Variants in EIF4E3 observed in about 807,000 individuals in gnomAD.
The protein encoded by EIF4E3 is eukaryotic translation initiation factor 4E family member 3.
Under a neutral mutation model 31.7 loss-of-function variants are expected in EIF4E3, and 26 were observed. The observed-to-expected ratio is 0.82, with a 90% confidence interval of 0.60 to 1.14. The LOEUF (loss-of-function observed/expected upper bound fraction) is 1.14, where lower values mean the gene tolerates loss of function less well. EIF4E3 is among the 50% of genes most tolerant of loss of function. The probability of loss-of-function intolerance (pLI) is 0.00; values close to 1 mark genes in which losing one functional copy is unlikely to be tolerated. For synonymous variants in EIF4E3, 128 were observed against 107.7 expected (o/e 1.19, Z -1.17); for missense variants, 304 against 270.9 (o/e 1.12, Z -0.86).
At chr3:71,691,279 T>A (rs545355421) in intron 5 of EIF4E3, among the ~76,000 whole-genome samples, 4 of 152,332 alleles carry the variant, frequency 2.6e-5, no homozygotes, top group African/African-American at 9.6e-5. Flanking sequence ...GTTTTTCCAA[T>A]TGTCTTCTGG....
chr3:71,754,623 G>C (rs768578421), upstream of EIF4E3: 30 of 1,463,756 alleles, frequency 2.0e-5, no homozygotes, highest in Non-Finnish European at 2.6e-5. This position sits in a 1 kb window ranked among gnomAD's most constrained non-coding sequence, Gnocchi z 5.8. Context: ...GCTGCTGGCC[G>C]TGGTGGTGGG....
At chr3:71,704,913 T>C (rs1432077222) in intron 2 of EIF4E3, among the ~76,000 whole-genome samples, 1 of 152,248 alleles carries the variant, frequency 6.6e-6, no homozygotes, top group Non-Finnish European at 1.5e-5. Flanking sequence ...ACTTCAGTTA[T>C]ATTTCTTCAT....
upstream of EIF4E3, among the ~76,000 whole-genome samples, chr3:71,727,981 C>T (rs1340968552): frequency 6.6e-6 from 1 of 152,184 alleles, no homozygotes; most frequent in Non-Finnish European, 1.5e-5. Context: ...CAATTATATA[C>T]CTTTCTCTCT....
intron 3 of EIF4E3, among the ~76,000 whole-genome samples, chr3:71,697,991 T>C (rs2049162796): frequency 6.6e-6 from 1 of 152,236 alleles, no homozygotes; most frequent in Admixed American, 6.5e-5. Context: ...ACCTCCATAC[T>C]GTTCTCCATA....
chr3:71,743,948 C>A (rs1313777818), intron 1 of EIF4E3, among the ~76,000 whole-genome samples: 1 of 151,838 alleles, frequency 6.6e-6, no homozygotes, highest in African/African-American at 2.4e-5. Flanking sequence ...ATAATATTAA[C>A]ATGGAACATA....
At chr3:71,664,778 G>A in the EIF4E3 span, among the ~76,000 whole-genome samples, 1 of 152,168 alleles carries the variant, frequency 6.6e-6, no homozygotes, top group Non-Finnish European at 1.5e-5. Flanking sequence ...GGGAGGCTGA[G>A]GCATGAGAAC....
At chr3:71,738,978 G>GCATATATATATATATA (rs2049792210) in intron 1 of EIF4E3, among the ~76,000 whole-genome samples, 1 of 95,818 alleles carries the variant, frequency 1.0e-5, no homozygotes, top group Non-Finnish European at 2.0e-5. Flanking sequence ...AAATTGAACA[G>GCATATATATATATATA]TATATATATA....
the EIF4E3 span, among the ~76,000 whole-genome samples, chr3:71,666,860 A>G: frequency 3.9e-5 from 6 of 152,018 alleles, no homozygotes; most frequent in Middle Eastern, 3.2e-3. Flanking sequence ...AACAGCTTCA[A>G]CTCGGGAGGT....
chr3:71,749,881 A>T (rs530856976), intron 1 of EIF4E3, among the ~76,000 whole-genome samples: 1 of 152,354 alleles, frequency 6.6e-6, no homozygotes, highest in East Asian at 1.9e-4. Context: ...GAAACAGTAA[A>T]AGGAAAATAC....
chr3:71,674,557 A>G (rs1487956309), downstream of EIF4E3, among the ~76,000 whole-genome samples: 2 of 152,192 alleles, frequency 1.3e-5, no homozygotes, highest in African/African-American at 4.8e-5. Context: ...TTTTCCCAAT[A>G]TGGTACAATA....
At position 71,679,575 on chromosome 3, in the gene EIF4E3, AC is replaced by A. The variant is rs1228027541; in HGVS notation, c.*5106del. 6.6e-6 allele frequency: 1 copy of A among 152,236 alleles called. No individual in the cohort carries two copies. The highest frequency in any genetic ancestry group is 2.4e-5 in the African/African-American group (1 of 41,476). The allele number at this position is 152,236 out of a possible 1,614,324, so 9.4% of individuals were successfully genotyped here. On this transcript the variant is annotated 3_prime_UTR_variant, in exon 7 of 7. Transcript: ENST00000425534. The stretch of plus-strand genomic sequence containing the variant: ...GATATTCTAATAAGGTACACTCAAG[AC>A]ACACATATACAATGGAACTCTGAAT...
chr3:71,695,273 T>C (rs1342156525), intron 4 of EIF4E3, among the ~76,000 whole-genome samples: 3 of 152,150 alleles, frequency 2.0e-5, no homozygotes, highest in Non-Finnish European at 4.4e-5. Flanking sequence ...CTCCCACTGG[T>C]TGATGATGAA....
chr3:71,754,667 C>A, upstream of EIF4E3: 1 of 1,501,010 alleles, frequency 6.7e-7, no homozygotes, highest in Non-Finnish European at 8.8e-7. The surrounding 1 kb of genome is among the most constrained non-coding windows in gnomAD (Gnocchi z 5.8). Context: ...GCCTGCTCTT[C>A]TTCATCCACG....
chr3:71,710,460 A>G lies in EIF4E3; in HGVS notation c.201T>C (p.Ala67=), dbSNP rs1468264432. 2 of 1,552,052 alleles carry G rather than the reference A, an allele frequency of 1.3e-6. No individual in the cohort carries two copies. The highest frequency in any genetic ancestry group is 1.4e-5 in the African/African-American group (1 of 73,018). Residue 67 remains alanine (A), a synonymous_variant, in exon 2 of 7, where the codon GCT becomes GCC. Transcript: ENST00000425534. The stretch of plus-strand genomic sequence containing the variant: ...TTTTCTTCAGATTTGATGCGCACTC[A>G]GCTGCTGTGGCACCAGGGAGGGATC... The part of the protein sequence containing the change: ...LDRSLPGATA[A]ECASNLKKIY...
chr3:71,684,323 C>G lies in EIF4E3; in HGVS notation c.*359G>C, dbSNP rs1399950439. 4.7e-6 allele frequency: 1 copy of G among 210,720 alleles called. No individual in the cohort carries two copies. Among genetic ancestry groups the G allele is most frequent in the Non-Finnish European group, 9.6e-6 (1 of 103,970 alleles). The allele number at this position is 210,720 out of a possible 1,614,324, so 13.1% of individuals were successfully genotyped here. A position where few individuals can be genotyped will look rare whatever the true frequency, so the allele number is the denominator to read the frequency against. On this transcript the variant is annotated 3_prime_UTR_variant, in exon 7 of 7. Transcript: ENST00000425534. ...CAGCAGAGCTACTTAAAGGGAAACC[C>G]ATTTCTTGTGCCTCAATGAAAGGGG...
upstream of EIF4E3, among the ~76,000 whole-genome samples, chr3:71,726,594 G>A (rs1230078318): frequency 1.3e-5 from 2 of 152,208 alleles, no homozygotes; most frequent in Non-Finnish European, 2.9e-5. Context: ...CATGTGTTCT[G>A]TTCATGCCTT....
At chr3:71,717,618 C>T (rs372683404) in intron 1 of EIF4E3, among the ~76,000 whole-genome samples, 166 of 152,292 alleles carry the variant, frequency 1.1e-3, no homozygotes, top group African/African-American at 3.9e-3. Flanking sequence ...AGCTCCGATA[C>T]TTTAGGATGA....
At chr3:71,730,163 A>AGGTAG (rs2049690063), upstream of EIF4E3, among the ~76,000 whole-genome samples, 2 of 152,018 alleles carry the variant, frequency 1.3e-5, no homozygotes, top group African/African-American at 4.8e-5. Context: ...AAGGTAGGGG[A>AGGTAG]GACTTGACAC....
intron 2 of EIF4E3, among the ~76,000 whole-genome samples, chr3:71,700,120 A>G (rs1177344779): frequency 6.6e-6 from 1 of 152,172 alleles, no homozygotes; most frequent in Non-Finnish European, 1.5e-5. Context: ...GCTGCAAGTG[A>G]GCCAAGATCG....
Sources: allele counts gnomAD v4.1 joint callset (sites outside exome capture counted in the v4.1 genomes callset), GRCh38; gene constraint gnomAD v4.1.1; non-coding constraint Gnocchi (gnomAD v3.1); transcripts MANE v1.5; gene names NCBI Gene and HGNC (gene_info 2026-07-23, HGNC 2026-07-21).